The following REV1 variants were observed in gnomAD, a reference collection of about 807,000 sequenced individuals.
REV1 encodes the protein translesion synthesis protein REV1.
A neutral mutation model predicts 137.4 loss-of-function variants in REV1; 42 were observed. The observed-to-expected ratio is 0.31, with a 90% CI of 0.24 to 0.40. REV1 has a LOEUF of 0.40. REV1 is among the 10% of genes least tolerant of loss of function. The pLI, the probability that REV1 is intolerant of heterozygous loss-of-function variation, is 1.00. For synonymous variants in REV1, 524 were observed against 519.2 expected, an observed-to-expected ratio of 1.01 and a Z score of -0.12; for missense variants, 1,282 against 1,490.1, an observed-to-expected ratio of 0.86 and a Z score of 2.30.
chr2:99,421,886 TGAG>T (rs1221791215), intron 10 of REV1, among the ~76,000 whole-genome samples: 1 of 152,174 alleles, frequency 6.6e-6, no homozygotes, highest in East Asian at 1.9e-4. Context: ...GGAAAATGTT[TGAG>T]GAGTAAAATA....
At chr2:99,430,877 A>G (rs912191528) in intron 8 of REV1, among the ~76,000 whole-genome samples, 1 of 152,198 alleles carries the variant, frequency 6.6e-6, no homozygotes, top group African/African-American at 2.4e-5. Flanking sequence ...ATCACATTCT[A>G]AAACCACAAC....
chr2:99,443,554 A>G (rs1161613635), intron 4 of REV1, among the ~76,000 whole-genome samples: 3 of 152,214 alleles, frequency 2.0e-5, no homozygotes, highest in Non-Finnish European at 4.4e-5. Flanking sequence ...GGAACTATAT[A>G]TGATACAGAG....
chr2:99,447,908 G>C (rs1335127796), intron 4 of REV1, among the ~76,000 whole-genome samples: 1 of 151,958 alleles, frequency 6.6e-6, no homozygotes, highest in Non-Finnish European at 1.5e-5. Flanking sequence ...AGTACAGACA[G>C]GGTTTCACCA....
At chr2:99,443,806 G>A (rs536091157) in intron 4 of REV1, among the ~76,000 whole-genome samples, 1 of 151,398 alleles carries the variant, frequency 6.6e-6, no homozygotes, top group Non-Finnish European at 1.5e-5. Flanking sequence ...CCTAAAATTC[G>A]ACTATTTTTT....
chr2:99,402,354 G>A lies in REV1; in HGVS notation c.3542-8C>T. The A allele has an allele frequency of 7.2e-7, 1 of 1,396,836 alleles. No individual in the cohort carries two copies. Among genetic ancestry groups the A allele is most frequent in the East Asian group, 2.3e-5 (1 of 43,366 alleles). 86.5% of individuals were successfully genotyped at this position (1,396,836 alleles called of 1,614,324 possible). On this transcript the variant is annotated splice_polypyrimidine_tract_variant and splice_region_variant and intron_variant, in intron 21 of 22. Coordinates refer to ENST00000258428, the MANE Select transcript of REV1 (RefSeq NM_016316.4). ...TGTCTTCTTCCATTGGATCTAGGAA[G>A]GGGGAAAAACTTCAAATGAGGACCA...
intron 4 of REV1, among the ~76,000 whole-genome samples, chr2:99,447,370 C>T (rs749437196): frequency 2.8e-4 from 42 of 152,056 alleles, no homozygotes; most frequent in Non-Finnish European, 5.9e-4. Flanking sequence ...CAGGGTTTCA[C>T]CAAGTTGGCC....
intron 1 of REV1, among the ~76,000 whole-genome samples, chr2:99,468,254 G>GA (rs930655541): frequency 2.0e-5 from 3 of 151,866 alleles, no homozygotes; most frequent in African/African-American, 7.2e-5. Flanking sequence ...AGGGATCTTC[G>GA]AAAAAGAGAC....
At chr2:99,453,891 T>TAAAAA (rs1683212157) in intron 3 of REV1, among the ~76,000 whole-genome samples, 1 of 43,260 alleles carries the variant, frequency 2.3e-5, no homozygotes, top group African/African-American at 1.3e-4. Context: ...AGGCTCTGTC[T>TAAAAA]CAAAAAAAAA....
chr2:99,404,325 C>G (rs1204907449), intron 18 of REV1, 119 bp downstream of exon 18: 2 of 755,632 alleles, frequency 2.6e-6, no homozygotes, highest in Non-Finnish European at 4.4e-6. Flanking sequence ...CCTCCCCTCC[C>G]CTCCCCAGTG....
rs1008453549 is a variant in REV1, at chr2:99,400,964, T to C, written c.*277A>G. 4.7e-6 allele frequency: 1 copy of C among 210,962 alleles called. No individual in the cohort carries two copies. The highest frequency in any genetic ancestry group is 9.6e-6 in the Non-Finnish European group (1 of 104,414). The allele number at this position is 210,962 out of a possible 1,614,324, so 13.1% of individuals were successfully genotyped here. ...TGTACAAAATATACATACAGTTCTT[T>C]ATTAAACAACTGTAAACACTTCACT... On this transcript the variant is annotated 3_prime_UTR_variant, in exon 23 of 23. Coordinates refer to ENST00000258428, the MANE Select transcript of REV1 (RefSeq NM_016316.4).
At chr2:99,410,642 CA>C in intron 14 of REV1, 52 bp downstream of exon 14, 1 of 1,444,022 alleles carries the variant, frequency 6.9e-7, no homozygotes, top group South Asian at 1.4e-5. Context: ...CTATTACTTA[CA>C]ACAACCTGTA....
At chr2:99,459,187 GAC>G (rs1382846656) in intron 3 of REV1, among the ~76,000 whole-genome samples, 1 of 145,196 alleles carries the variant, frequency 6.9e-6, no homozygotes, top group Admixed American at 7.0e-5. Flanking sequence ...CAGCCTGGGT[GAC>G]AGAGTGAGAC....
chr2:99,438,563 G>T (rs1410301397), intron 6 of REV1, 38 bp downstream of exon 6: 2 of 1,471,152 alleles, frequency 1.4e-6, no homozygotes, highest in South Asian at 1.2e-5. Context: ...GATCAAGCAT[G>T]ACTGTTTCTT....
intron 4 of REV1, among the ~76,000 whole-genome samples, chr2:99,448,178 A>G (rs1437515846): frequency 1.3e-5 from 2 of 152,204 alleles, no homozygotes; most frequent in African/African-American, 4.8e-5. Context: ...AATTTGTGGA[A>G]CAGTTAATGG....
In REV1 at chr2:99,402,287, T is replaced by C; in HGVS notation, c.3601A>G (p.Lys1201Glu). The C allele has an allele frequency of 6.6e-7, 1 of 1,507,226 alleles. No homozygotes were observed. Among genetic ancestry groups the C allele is most frequent in the Non-Finnish European group, 9.1e-7 (1 of 1,098,132 alleles). The allele number at this position is 1,507,226 out of a possible 1,614,324, so 93.4% of individuals were successfully genotyped here. A position where few individuals can be genotyped will look rare whatever the true frequency, so the allele number is the denominator to read the frequency against. The change falls in exon 22 of 23, where the codon AAA (lysine) becomes GAA (glutamate). Residue 1201 changes from lysine (K) to glutamate (E), a missense_variant. Coordinates refer to ENST00000258428, the MANE Select transcript of REV1 (RefSeq NM_016316.4). ...ACTAGATCCAGTTTTTCCAAATCTT[T>C]TTCTTCTATTAGATCAGTACAGTAT... ...VKYCTDLIEE[K>E]DLEKLDLVIK...
chr2:99,424,931 T>C, intron 9 of REV1: 2 of 1,289,002 alleles, frequency 1.6e-6, no homozygotes, highest in Non-Finnish European at 2.0e-6. Context: ...TAAATCTGTG[T>C]GTCTCAGTGC....
At chr2:99,436,646 C>A (rs1178811919) in intron 6 of REV1, 6 of 152,166 alleles carry the variant, frequency 3.9e-5, no homozygotes, top group Non-Finnish European at 7.3e-5. Context: ...AGTGTCCTCA[C>A]CTAAGGACAA....
intron 22 of REV1, 117 bp from the exon 23 acceptor site, chr2:99,401,469 G>A: frequency 1.6e-6 from 1 of 627,924 alleles, no homozygotes; most frequent in South Asian, 2.2e-5. Context: ...TCCTGGCCAG[G>A]TGCGGTGTGG....
At chr2:99,417,984 C>T (rs540879119) in intron 12 of REV1, among the ~76,000 whole-genome samples, 2 of 152,238 alleles carry the variant, frequency 1.3e-5, no homozygotes, top group Admixed American at 6.5e-5. Context: ...ACTAATACAT[C>T]GTTTTAAGTT....
Sources: allele counts gnomAD v4.1 joint callset (sites outside exome capture counted in the v4.1 genomes callset), GRCh38; gene constraint gnomAD v4.1.1; transcripts MANE v1.5; gene names NCBI Gene and HGNC (gene_info 2026-07-23, HGNC 2026-07-21).